CADM2: variants seen among roughly 807,000 people sequenced by gnomAD.
CADM2 encodes the protein cell adhesion molecule 2, also known as immunoglobulin superfamily member 4D.
CADM2 carries 12 observed loss-of-function variants against 49.8 expected under a neutral mutation model. That is an observed-to-expected ratio of 0.24 (90% CI 0.15 to 0.39). The LOEUF (loss-of-function observed/expected upper bound fraction) is 0.39. CADM2 is among the 10% of genes least tolerant of loss of function. The pLI is 1.00. For missense variants in CADM2, 378 were observed against 492.3 expected (o/e 0.77, Z 2.20); for synonymous variants, 214 against 175.4 (o/e 1.22, Z -1.74).
chr3:85,477,243 A>AC (rs2039012802), intron 1 of CADM2, among the ~76,000 whole-genome samples: 1 of 144,754 alleles, frequency 6.9e-6, no homozygotes. Flanking sequence ...GATTCCCTTA[A>AC]ACACACACAC....
At chr3:85,881,170 A>G (rs1712704805) in intron 3 of CADM2, among the ~76,000 whole-genome samples, 1 of 151,502 alleles carries the variant, frequency 6.6e-6, no homozygotes, top group East Asian at 1.9e-4. Flanking sequence ...ATCCTCTGTC[A>G]TTTTCATTGT....
chr3:85,393,684 G>C (rs2034627037), intron 1 of CADM2, among the ~76,000 whole-genome samples: 1 of 151,990 alleles, frequency 6.6e-6, no homozygotes. Flanking sequence ...TTCTTTTAAT[G>C]GAGCCCTCTG....
At chr3:85,798,486 T>G (rs1233326110) in intron 2 of CADM2, among the ~76,000 whole-genome samples, 1 of 152,232 alleles carries the variant, frequency 6.6e-6, no homozygotes, top group African/African-American at 2.4e-5. Context: ...TTTCTGCATA[T>G]GGCTAGCCAA....
chr3:85,031,464 C>T (rs2034973763), intron 1 of CADM2, among the ~76,000 whole-genome samples: 1 of 152,044 alleles, frequency 6.6e-6, no homozygotes, highest in African/African-American at 2.4e-5. Flanking sequence ...TCTGTGTTCC[C>T]CTTACCCGAA....
intron 3 of CADM2, among the ~76,000 whole-genome samples, chr3:85,879,230 G>A (rs987860979): frequency 8.6e-5 from 13 of 151,938 alleles, no homozygotes; most frequent in African/African-American, 3.1e-4. Context: ...GCATGTAGGA[G>A]ATAGAGTATG....
At chr3:85,200,532 G>A (rs995787003) in intron 1 of CADM2, among the ~76,000 whole-genome samples, 7 of 152,066 alleles carry the variant, frequency 4.6e-5, no homozygotes, top group Non-Finnish European at 7.4e-5. Context: ...CTTTCTAGGA[G>A]AGATCAGTCA....
intron 1 of CADM2, among the ~76,000 whole-genome samples, chr3:85,032,188 TAGA>T (rs972855313): frequency 6.6e-6 from 1 of 150,684 alleles, no homozygotes; most frequent in Admixed American, 6.6e-5. Flanking sequence ...AATCACTTTC[TAGA>T]AGGTTTGGTA....
chr3:85,075,090 G>C (rs764851119), intron 1 of CADM2, among the ~76,000 whole-genome samples: 16 of 152,112 alleles, frequency 1.1e-4, no homozygotes, highest in Non-Finnish European at 2.1e-4. Context: ...ACAAATACTT[G>C]AGAAGAAATT....
chr3:86,018,032 C>G (rs1178099126), intron 8 of CADM2, among the ~76,000 whole-genome samples: 1 of 110,942 alleles, frequency 9.0e-6, no homozygotes, highest in Non-Finnish European at 1.8e-5. Context: ...CCCCCCTCCC[C>G]CCACCCCACA....
At chr3:85,332,164 A>G (rs2044948019) in intron 1 of CADM2, among the ~76,000 whole-genome samples, 1 of 152,086 alleles carries the variant, frequency 6.6e-6, no homozygotes, top group African/African-American at 2.4e-5. Context: ...AGTCCTAAAC[A>G]TTTGTGACTG....
chr3:85,226,525 T>C (rs756002943), intron 1 of CADM2, among the ~76,000 whole-genome samples: 5 of 152,150 alleles, frequency 3.3e-5, no homozygotes, highest in Non-Finnish European at 7.3e-5. Flanking sequence ...TCTTCTTTAT[T>C]AGTCTGGCTA....
intron 6 of CADM2, among the ~76,000 whole-genome samples, chr3:85,919,979 T>G (rs1191473315): frequency 6.6e-6 from 1 of 151,990 alleles, no homozygotes; most frequent in Non-Finnish European, 1.5e-5. Context: ...TCTTGGCTGT[T>G]GTCCTTTTTC....
chr3:85,902,668 T>C (rs1716281529), intron 5 of CADM2, among the ~76,000 whole-genome samples: 1 of 151,506 alleles, frequency 6.6e-6, no homozygotes. Context: ...GAAGTAAATA[T>C]TTTCTAGTTT....
At chr3:85,644,482 C>T (rs992690074) in intron 1 of CADM2, among the ~76,000 whole-genome samples, 5 of 152,054 alleles carry the variant, frequency 3.3e-5, no homozygotes, top group African/African-American at 1.2e-4. Context: ...ACAAAACAAA[C>T]TTAATAGAAC....
chr3:85,448,907 G>A (rs562088698), intron 1 of CADM2, among the ~76,000 whole-genome samples: 22 of 151,742 alleles, frequency 1.4e-4, no homozygotes, highest in African/African-American at 5.3e-4. Flanking sequence ...AAAATTAGCT[G>A]GGGATGGTGG....
At chr3:85,182,321 G>A (rs1370495137) in intron 1 of CADM2, among the ~76,000 whole-genome samples, 1 of 151,894 alleles carries the variant, frequency 6.6e-6, no homozygotes, top group Non-Finnish European at 1.5e-5. Flanking sequence ...TCAGAAACCT[G>A]GAAGAGTCTA....
chr3:85,594,968 A>ACAG (rs1190613550), intron 1 of CADM2, among the ~76,000 whole-genome samples: 1 of 152,066 alleles, frequency 6.6e-6, no homozygotes. Flanking sequence ...GGAAACCTAG[A>ACAG]CAGCAGCCCA....
At chr3:85,841,746 C>G (rs553914571) in intron 3 of CADM2, among the ~76,000 whole-genome samples, 3 of 151,948 alleles carry the variant, frequency 2.0e-5, no homozygotes, top group Non-Finnish European at 4.4e-5. Context: ...AACAAATATG[C>G]TATATAGCAA....
At chr3:86,041,177 C>T (rs567752775) in intron 8 of CADM2, among the ~76,000 whole-genome samples, 204 of 152,218 alleles carry the variant, frequency 1.3e-3, no homozygotes, top group African/African-American at 4.4e-3. Context: ...AATGAACTAA[C>T]GAGCAAAATA....
Sources: allele counts gnomAD v4.1 joint callset (sites outside exome capture counted in the v4.1 genomes callset), GRCh38; gene constraint gnomAD v4.1.1; transcripts MANE v1.5; gene names NCBI Gene and HGNC (gene_info 2026-07-23, HGNC 2026-07-21).